LHFPL6: variants seen among roughly 807,000 people sequenced by gnomAD.
The protein encoded by LHFPL6 is LHFPL tetraspan subfamily member 6.
LHFPL6 carries 9 observed loss-of-function variants against 20.6 expected under a neutral mutation model. The observed-to-expected ratio is 0.44, with a 90% CI of 0.26 to 0.76. The LOEUF is 0.76. Among genes scored for constraint, LHFPL6 ranks in the 30% least tolerant of loss-of-function variants. LHFPL6 has a pLI of 0.20. For synonymous variants in LHFPL6, 105 were observed against 98.7 expected (o/e 1.06, Z -0.38); for missense variants, 218 against 253.5 (o/e 0.86, Z 0.95).
intron 2 of LHFPL6, among the ~76,000 whole-genome samples, chr13:39,584,312 C>G (rs570471371): frequency 2.6e-5 from 4 of 152,164 alleles, no homozygotes; most frequent in African/African-American, 9.6e-5. Flanking sequence ...GAGGCTGAGG[C>G]AGGCAGATCA....
intron 3 of LHFPL6, among the ~76,000 whole-genome samples, chr13:39,344,456 G>A (rs1405777406): frequency 6.6e-6 from 1 of 152,020 alleles, no homozygotes; most frequent in East Asian, 1.9e-4. Flanking sequence ...TCTGCAAAAG[G>A]GCCACTTTGA....
chr13:39,396,241 C>G (rs1171320970), intron 2 of LHFPL6, among the ~76,000 whole-genome samples: 2 of 152,056 alleles, frequency 1.3e-5, no homozygotes, highest in Non-Finnish European at 2.9e-5. Context: ...GCTCTACCTG[C>G]TTTCTGATGG....
chr13:39,517,162 GT>G (rs1869952739), intron 2 of LHFPL6, among the ~76,000 whole-genome samples: 4 of 152,294 alleles, frequency 2.6e-5, no homozygotes, highest in African/African-American at 9.6e-5. Context: ...CCGTAGGGGG[GT>G]AATGAGAACT....
intron 2 of LHFPL6, among the ~76,000 whole-genome samples, chr13:39,381,458 C>G (rs972877447): frequency 2.0e-5 from 3 of 152,016 alleles, no homozygotes; most frequent in African/African-American, 7.3e-5. Flanking sequence ...TTTCTTCCTT[C>G]TCTCCCCTCT....
At chr13:39,459,547 A>G (rs368384830) in intron 2 of LHFPL6, among the ~76,000 whole-genome samples, 137 of 152,212 alleles carry the variant, frequency 9.0e-4, no homozygotes, top group African/African-American at 3.0e-3. Context: ...CATTAAGGAG[A>G]AACAACTACT....
intron 2 of LHFPL6, among the ~76,000 whole-genome samples, chr13:39,553,261 C>T (rs1220807013): frequency 3.3e-5 from 5 of 152,166 alleles, no homozygotes; most frequent in Non-Finnish European, 7.3e-5. Context: ...AGACTAATTA[C>T]AGCAAAAACC....
chr13:39,585,971 G>T (rs752280305), intron 2 of LHFPL6, among the ~76,000 whole-genome samples: 81 of 152,048 alleles, frequency 5.3e-4, no homozygotes, highest in Middle Eastern at 3.4e-3. Flanking sequence ...AAATCTACTA[G>T]ATTTTTCTCA....
intron 2 of LHFPL6, among the ~76,000 whole-genome samples, chr13:39,597,369 T>C (rs749037626): frequency 2.6e-5 from 4 of 152,226 alleles, no homozygotes; most frequent in Non-Finnish European, 5.9e-5. Flanking sequence ...GCAGGGCATG[T>C]AAATCTTACT....
At chr13:39,483,031 T>C (rs1360598992) in intron 2 of LHFPL6, among the ~76,000 whole-genome samples, 1 of 152,232 alleles carries the variant, frequency 6.6e-6, no homozygotes, top group Non-Finnish European at 1.5e-5. Flanking sequence ...ATGCTGTTGG[T>C]AAATTTTATT....
At chr13:39,353,579 T>G (rs539442791) in intron 3 of LHFPL6, among the ~76,000 whole-genome samples, 1 of 151,744 alleles carries the variant, frequency 6.6e-6, no homozygotes, top group East Asian at 2.0e-4. Flanking sequence ...AACCAAAAAA[T>G]TAGCCAGGTG....
At chr13:39,457,260 T>C (rs952275735) in intron 2 of LHFPL6, among the ~76,000 whole-genome samples, 6 of 152,244 alleles carry the variant, frequency 3.9e-5, no homozygotes, top group African/African-American at 1.4e-4. Context: ...ATAGCTTGTA[T>C]CTACAATATA....
At chr13:39,435,866 C>T (rs567332120) in intron 2 of LHFPL6, among the ~76,000 whole-genome samples, 57 of 152,188 alleles carry the variant, frequency 3.7e-4, no homozygotes, top group African/African-American at 1.3e-3. Context: ...AGGTCATATG[C>T]ATACATATGA....
At chr13:39,517,838 A>G (rs567286386) in intron 2 of LHFPL6, among the ~76,000 whole-genome samples, 60 of 152,306 alleles carry the variant, frequency 3.9e-4, no homozygotes, top group African/African-American at 1.4e-3. Context: ...TGCTGTTACT[A>G]TTAATTGTAC....
chr13:39,511,502 C>T (rs565894838), intron 2 of LHFPL6, among the ~76,000 whole-genome samples: 55 of 151,224 alleles, frequency 3.6e-4, no homozygotes, highest in Non-Finnish European at 6.6e-4. Flanking sequence ...GAGATACATT[C>T]GCCACCTCTG....
intron 2 of LHFPL6, among the ~76,000 whole-genome samples, chr13:39,575,514 T>C (rs1872087410): frequency 6.6e-6 from 1 of 152,204 alleles, no homozygotes. Flanking sequence ...TACTATGACA[T>C]CTCTATGTTT....
In LHFPL6 at chr13:39,342,897, A is replaced by G. The variant is rs1869285737; in HGVS notation, c.*1039T>C. ...CACTCCATGACTCATCTAGCTATTG[A>G]TCAAAGAGAGAATTTATTCACAGAG... On this transcript the variant is annotated 3_prime_UTR_variant, in exon 4 of 4. Transcript: ENST00000379589. 4 of 178,306 alleles carry G rather than the reference A, an allele frequency of 2.2e-5. No homozygotes were observed. The allele number at this position is 178,306 out of a possible 1,614,324, so 11.0% of individuals were successfully genotyped here.
At chr13:39,370,773 T>C (rs970099584) in intron 3 of LHFPL6, among the ~76,000 whole-genome samples, 3 of 152,346 alleles carry the variant, frequency 2.0e-5, no homozygotes, top group Admixed American at 1.3e-4. Context: ...TCATAGGAGC[T>C]TTCTAACTTC....
intron 2 of LHFPL6, among the ~76,000 whole-genome samples, chr13:39,595,484 G>C (rs942049563): frequency 4.6e-5 from 7 of 152,128 alleles, no homozygotes; most frequent in African/African-American, 7.2e-5. Context: ...GTGGAGCCAG[G>C]GTTTTGTCAT....
At chr13:39,542,478 A>T (rs1870840273) in intron 2 of LHFPL6, among the ~76,000 whole-genome samples, 1 of 152,206 alleles carries the variant, frequency 6.6e-6, no homozygotes, top group South Asian at 2.1e-4. Context: ...AGACACACAC[A>T]CCATAGAATG....
Sources: gnomAD v4.1 joint callset for allele counts (sites outside exome capture counted in the v4.1 genomes callset) on GRCh38, gnomAD v4.1.1 for gene constraint, MANE v1.5 for transcripts, NCBI Gene and HGNC (gene_info 2026-07-23, HGNC 2026-07-21) for gene names.